The following L3MBTL4 variants were observed in gnomAD, a reference collection of about 807,000 sequenced individuals.
The protein encoded by L3MBTL4 is lethal(3)malignant brain tumor-like protein 4.
Under a neutral mutation model 84.5 loss-of-function variants are expected in L3MBTL4, and 70 were observed. The ratio of observed to expected loss-of-function variants is 0.83; its 90% CI spans 0.68 to 1.01. L3MBTL4 has a LOEUF of 1.01. Among genes scored for constraint, L3MBTL4 ranks in the 50% least tolerant of loss-of-function variants. The pLI, the probability that L3MBTL4 is intolerant of heterozygous loss-of-function variation, is 0.00. For synonymous variants in L3MBTL4, 274 were observed against 259.8 expected, an observed-to-expected ratio of 1.05 and a Z score of -0.52; for missense variants, 715 against 754.8, an observed-to-expected ratio of 0.95 and a Z score of 0.62.
At chr18:6,335,068 A>AT (rs1158506320) in intron 1 of L3MBTL4, among the ~76,000 whole-genome samples, 1 of 152,090 alleles carries the variant, frequency 6.6e-6, no homozygotes, top group Admixed American at 6.6e-5. Flanking sequence ...TCAGAAATCA[A>AT]TTGCTCTCTT....
chr18:6,013,533 C>G (rs2054828796), intron 16 of L3MBTL4, among the ~76,000 whole-genome samples: 1 of 152,246 alleles, frequency 6.6e-6, no homozygotes, highest in South Asian at 2.1e-4. Flanking sequence ...CATCTTCTCA[C>G]TCTGCTCATA....
At chr18:6,362,113 AG>A in intron 1 of L3MBTL4, among the ~76,000 whole-genome samples, 1 of 136,250 alleles carries the variant, frequency 7.3e-6, no homozygotes, top group Non-Finnish European at 1.6e-5. Flanking sequence ...TATCAAAAAA[AG>A]AAGAAAAGAA....
chr18:6,071,500 G>A (rs886419986), intron 16 of L3MBTL4, among the ~76,000 whole-genome samples: 3 of 151,480 alleles, frequency 2.0e-5, no homozygotes, highest in Non-Finnish European at 4.4e-5. Context: ...ACTGGGTGCA[G>A]TGACTCACAC....
chr18:5,961,300 G>T (rs984377647), intron 17 of L3MBTL4, among the ~76,000 whole-genome samples: 29 of 152,114 alleles, frequency 1.9e-4, no homozygotes, highest in Admixed American at 6.5e-4. Context: ...TGCCCCTGAC[G>T]GTGCAGGAGA....
Position 6,117,164 on chromosome 18 carries a change from G to A in L3MBTL4, c.1199+21030C>T, listed in dbSNP as rs765617195. ...ATCTTGTGGAAAAATCCCTTAGAAT[G>A]GAAGAGACTGAGGGTCAATAAGCGG... On this transcript the variant is annotated intron_variant, in intron 14 of 18. Transcript: ENST00000317931. Among the ~76,000 whole-genome samples the A allele has an allele frequency of 3.9e-4, 59 of 152,168 alleles. 1 individual carries two copies. The highest frequency in any genetic ancestry group is 3.2e-4 in the Non-Finnish European group (22 of 68,032).
chr18:6,235,961 A>G (rs1179576255), intron 10 of L3MBTL4, among the ~76,000 whole-genome samples: 1 of 152,218 alleles, frequency 6.6e-6, no homozygotes, highest in Non-Finnish European at 1.5e-5. Flanking sequence ...TATAAATGGA[A>G]AGAAGTCCTG....
chr18:5,954,959 G>C lies in L3MBTL4; in HGVS notation c.*1261C>G, dbSNP rs2095218852. ...TCAGTGAAAAAAAAATGTAAAGCTT[G>C]AGAAATTCTCCAAGCAGAATCAACT... On this transcript the variant is annotated 3_prime_UTR_variant, in exon 19 of 19. Transcript: ENST00000317931. 1 of 152,094 alleles carries C rather than the reference G, an allele frequency of 6.6e-6. No individual in the cohort carries two copies. The highest frequency in any genetic ancestry group is 1.5e-5 in the Non-Finnish European group (1 of 68,014). 9.4% of individuals were successfully genotyped at this position (152,094 alleles called of 1,614,324 possible).
In L3MBTL4 at chr18:6,213,129, T is replaced by C. The variant is rs1324270116; in HGVS notation, c.981+20A>G. Reference sequence around the variant, plus strand: ...TAGGAAAAATATTGATATAATAACATAATAATTTAAAATATGTACCTTTAC... The same window carrying C: ...TAGGAAAAATATTGATATAATAACACAATAATTTAAAATATGTACCTTTAC... On this transcript the variant is annotated intron_variant, in intron 12 of 18. Transcript: ENST00000317931. The C allele has an allele frequency of 1.5e-6, 2 of 1,353,614 alleles. No individual in the cohort carries two copies. The highest frequency in any genetic ancestry group is 1.5e-5 in the African/African-American group (1 of 67,324). The allele number at this position is 1,353,614 out of a possible 1,614,324, so 83.9% of individuals were successfully genotyped here.
chr18:6,295,702 T>G (rs1305145591), intron 4 of L3MBTL4, among the ~76,000 whole-genome samples: 1 of 152,148 alleles, frequency 6.6e-6, no homozygotes, highest in Non-Finnish European at 1.5e-5. Context: ...CAAAAAGTTC[T>G]TTACTTAGAA....
intron 16 of L3MBTL4, among the ~76,000 whole-genome samples, chr18:6,049,919 A>G (rs1394350684): frequency 2.0e-5 from 3 of 152,196 alleles, no homozygotes; most frequent in Non-Finnish European, 2.9e-5. Flanking sequence ...ACAAAGCTCA[A>G]TTTGTAATTG....
intron 16 of L3MBTL4, among the ~76,000 whole-genome samples, chr18:5,971,755 G>T (rs1355787441): frequency 6.6e-6 from 1 of 152,210 alleles, no homozygotes; most frequent in Non-Finnish European, 1.5e-5. Context: ...GACACCTAAT[G>T]TGTGGCTGAA....
intron 13 of L3MBTL4, among the ~76,000 whole-genome samples, chr18:6,144,198 A>G (rs1192341369): frequency 7.3e-6 from 1 of 136,888 alleles, no homozygotes. Flanking sequence ...TCCATCTCCA[A>G]AAAAAAAAAA....
intron 14 of L3MBTL4, among the ~76,000 whole-genome samples, chr18:6,130,538 A>G (rs2059841607): frequency 6.6e-6 from 1 of 152,212 alleles, no homozygotes; most frequent in Non-Finnish European, 1.5e-5. Context: ...TGTCCCACAC[A>G]GGAGTTCTAG....
chr18:6,108,839 C>G (rs2059098758), intron 14 of L3MBTL4, among the ~76,000 whole-genome samples: 2 of 152,092 alleles, frequency 1.3e-5, no homozygotes, highest in Admixed American at 1.3e-4. Context: ...AGTATAACAA[C>G]TATTTACTTA....
intron 12 of L3MBTL4, among the ~76,000 whole-genome samples, chr18:6,198,903 G>A (rs180858995): frequency 1.6e-4 from 24 of 152,044 alleles, no homozygotes; most frequent in Admixed American, 1.3e-4. Context: ...TATATTTTAG[G>A]GTAGAAATAG....
At chr18:6,030,659 C>T (rs187501144) in intron 16 of L3MBTL4, 40 of 933,442 alleles carry the variant, frequency 4.3e-5, no homozygotes, top group Admixed American at 1.9e-4. Flanking sequence ...CCACCACACC[C>T]GGCTAATTTT....
intron 5 of L3MBTL4, among the ~76,000 whole-genome samples, chr18:6,257,219 A>G (rs1215268380): frequency 6.6e-6 from 1 of 152,124 alleles, no homozygotes; most frequent in Non-Finnish European, 1.5e-5. Flanking sequence ...GGGCTTACTG[A>G]GGCAGCGCAG....
chr18:6,373,445 T>C (rs1400621397), intron 1 of L3MBTL4, among the ~76,000 whole-genome samples: 1 of 152,138 alleles, frequency 6.6e-6, no homozygotes, highest in Admixed American at 6.5e-5. Flanking sequence ...CATTGACTCC[T>C]CTCTAGCTGA....
At chr18:6,128,378 G>A (rs994041369) in intron 14 of L3MBTL4, among the ~76,000 whole-genome samples, 2 of 152,088 alleles carry the variant, frequency 1.3e-5, no homozygotes, top group African/African-American at 4.8e-5. Context: ...AAAGAGGTGA[G>A]TCTCCAGATT....
Sources: allele counts gnomAD v4.1 joint callset (sites outside exome capture counted in the v4.1 genomes callset), GRCh38; gene constraint gnomAD v4.1.1; transcripts MANE v1.5; gene names NCBI Gene and HGNC (gene_info 2026-07-23, HGNC 2026-07-21).